MBD5: variants seen among roughly 807,000 people sequenced by gnomAD.
MBD5 encodes methyl-CpG-binding domain protein 5.
A neutral mutation model predicts 117.3 loss-of-function variants in MBD5; 13 were observed. That is an observed-to-expected ratio of 0.11 (90% CI 0.07 to 0.18). The LOEUF is 0.18. Ranked by LOEUF, MBD5 falls within the 10% of genes least tolerant of loss-of-function variation. The pLI, the probability that MBD5 is intolerant of heterozygous loss-of-function variation, is 1.00. For missense variants in MBD5, 1,879 were observed against 2,093.8 expected (o/e 0.90, Z 2.00); for synonymous variants, 727 against 766.4 (o/e 0.95, Z 0.85).
chr2:148,445,175 T>C (rs1706449336), intron 4 of MBD5, among the ~76,000 whole-genome samples: 1 of 151,282 alleles, frequency 6.6e-6, no homozygotes, highest in Admixed American at 6.6e-5. Context: ...CTAGGATACA[T>C]GTGCACAACG....
chr2:148,046,325 A>G (rs947242543), intron 1 of MBD5, among the ~76,000 whole-genome samples: 38 of 152,316 alleles, frequency 2.5e-4, no homozygotes, highest in Non-Finnish European at 5.1e-4. Context: ...TGAAAGAAAT[A>G]AAATACAAGG....
Position 148,510,679 on chromosome 2 carries a change from C to G in MBD5, c.5112+544C>G, listed in dbSNP as rs180935945. Among the ~76,000 whole-genome samples the G allele has an allele frequency of 3.9e-5, 6 of 152,284 alleles. No individual in the cohort carries two copies. The East Asian group carries it at 1.2e-3, about 29-fold the overall frequency. ...GTAATCTGTTAAAAATGTGAATTGT[C>G]TAAGGCTATTTAGCATGAAAAATAA... On this transcript the variant is annotated intron_variant, in intron 13 of 13. Transcript: ENST00000642680.
intron 3 of MBD5, among the ~76,000 whole-genome samples, chr2:148,279,709 C>A (rs917188608): frequency 2.0e-5 from 3 of 152,176 alleles, no homozygotes; most frequent in Non-Finnish European, 2.9e-5. Context: ...ATTTATTTTT[C>A]TAATTCCATT....
intron 2 of MBD5, among the ~76,000 whole-genome samples, chr2:148,209,183 C>T (rs1699359272): frequency 6.6e-6 from 1 of 152,122 alleles, no homozygotes; most frequent in Admixed American, 6.6e-5. Context: ...TATTATATAT[C>T]TCATTGTGTT....
At chr2:148,296,212 A>G (rs1188470409) in intron 3 of MBD5, 5 of 195,460 alleles carry the variant, frequency 2.6e-5, no homozygotes, top group South Asian at 1.2e-4. Flanking sequence ...TTGGTAAGTG[A>G]CCATTTTGTT....
At chr2:148,327,424 T>C (rs529107377) in intron 3 of MBD5, among the ~76,000 whole-genome samples, 4 of 152,098 alleles carry the variant, frequency 2.6e-5, no homozygotes, top group Non-Finnish European at 2.9e-5. Flanking sequence ...TAATATCCTT[T>C]AGAGTGTTTC....
At chr2:148,069,873 C>T (rs1695305073) in intron 1 of MBD5, among the ~76,000 whole-genome samples, 1 of 152,046 alleles carries the variant, frequency 6.6e-6, no homozygotes, top group Non-Finnish European at 1.5e-5. Context: ...CATACATAGA[C>T]AGTGTAATGA....
At chr2:148,267,978 C>G (rs180974577) in intron 3 of MBD5, among the ~76,000 whole-genome samples, 1,691 of 116,548 alleles carry the variant, frequency 0.015, 15 homozygotes, top group Middle Eastern at 0.044. Flanking sequence ...GAGACAGGTT[C>G]TCACTTTTTC....
chr2:148,314,381 T>TTC (rs1437341681), intron 3 of MBD5, among the ~76,000 whole-genome samples: 1 of 146,262 alleles, frequency 6.8e-6, no homozygotes, highest in African/African-American at 2.5e-5. Context: ...TTATGGTTTT[T>TTC]TTTTTTTTTT....
At chr2:148,401,495 G>C (rs1053769093) in intron 4 of MBD5, among the ~76,000 whole-genome samples, 1 of 151,944 alleles carries the variant, frequency 6.6e-6, no homozygotes, top group Non-Finnish European at 1.5e-5. Context: ...AAATCATGTG[G>C]GTCAAAATGA....
At chr2:148,025,428 T>C (rs988730509) in intron 1 of MBD5, 2 of 152,046 alleles carry the variant, frequency 1.3e-5, no homozygotes, top group Non-Finnish European at 2.9e-5. Context: ...CTGTATATAG[T>C]TAACACATTT....
intron 2 of MBD5, among the ~76,000 whole-genome samples, chr2:148,203,295 T>A (rs1027012531): frequency 6.6e-6 from 1 of 151,758 alleles, no homozygotes; most frequent in Non-Finnish European, 1.5e-5. Flanking sequence ...GTTGTAACAA[T>A]TAAATGTGGG....
At chr2:148,484,261 T>C in intron 9 of MBD5, 126 bp downstream of exon 9, 1 of 816,266 alleles carries the variant, frequency 1.2e-6, no homozygotes, top group East Asian at 2.8e-5. Context: ...ACAGCTTGCT[T>C]AAGGAACTAA....
chr2:148,221,184 A>T (rs954750866), intron 2 of MBD5, among the ~76,000 whole-genome samples: 1 of 152,134 alleles, frequency 6.6e-6, no homozygotes, highest in Non-Finnish European at 1.5e-5. Context: ...GTTGATGGAC[A>T]CTTAGGTTGC....
intron 7 of MBD5, among the ~76,000 whole-genome samples, chr2:148,466,132 T>C (rs1424907830): frequency 6.6e-6 from 1 of 152,214 alleles, no homozygotes; most frequent in Non-Finnish European, 1.5e-5. Flanking sequence ...TAAACTATAT[T>C]ATCATAAGGT....
chr2:148,305,809 G>T (rs1441773130), intron 3 of MBD5, among the ~76,000 whole-genome samples: 1 of 152,128 alleles, frequency 6.6e-6, no homozygotes, highest in African/African-American at 2.4e-5. Flanking sequence ...GATATCAAAG[G>T]AAACTAGAGG....
At chr2:148,113,670 A>G (rs913608963) in intron 1 of MBD5, among the ~76,000 whole-genome samples, 2 of 152,238 alleles carry the variant, frequency 1.3e-5, no homozygotes, top group Non-Finnish European at 2.9e-5. Context: ...TGATGTGCCC[A>G]TCACTTTGCC....
At chr2:148,281,812 A>G (rs1193390632) in intron 3 of MBD5, among the ~76,000 whole-genome samples, 1 of 152,102 alleles carries the variant, frequency 6.6e-6, no homozygotes, top group Non-Finnish European at 1.5e-5. Flanking sequence ...TTTATCCCCA[A>G]AAGCTTTTTT....
intron 1 of MBD5, among the ~76,000 whole-genome samples, chr2:148,065,686 T>C (rs1407353009): frequency 6.6e-6 from 1 of 152,200 alleles, no homozygotes; most frequent in African/African-American, 2.4e-5. Flanking sequence ...ATAGATGACA[T>C]GGAAAGTAGG....
Sources: gnomAD v4.1 joint callset for allele counts (sites outside exome capture counted in the v4.1 genomes callset) on GRCh38, gnomAD v4.1.1 for gene constraint, MANE v1.5 for transcripts, NCBI Gene and HGNC (gene_info 2026-07-23, HGNC 2026-07-21) for gene names.